The following COL22A1 variants were observed in gnomAD, a reference collection of about 807,000 sequenced individuals.
The protein encoded by COL22A1 is collagen alpha-1(XXII) chain.
COL22A1 carries 221 observed loss-of-function variants against 248.9 expected under a neutral mutation model. The observed-to-expected ratio is 0.89, with a 90% CI of 0.80 to 0.99. The LOEUF (loss-of-function observed/expected upper bound fraction) is 0.99, where lower values mean the gene tolerates loss of function less well. Among genes scored for constraint, COL22A1 ranks in the 50% least tolerant of loss-of-function variants. The probability of loss-of-function intolerance (pLI) is 0.00; values close to 1 mark genes in which losing one functional copy is unlikely to be tolerated. For missense variants in COL22A1, 2,240 were observed against 2,179.0 expected (o/e 1.03, Z -0.56); for synonymous variants, 891 against 793.4 (o/e 1.12, Z -2.07).
At chr8:138,589,869 C>A (rs1816889201) in intron 64 of COL22A1, among the ~76,000 whole-genome samples, 2 of 152,186 alleles carry the variant, frequency 1.3e-5, no homozygotes, top group South Asian at 4.1e-4. Context: ...ACCTTAGAGA[C>A]ACCTGGTGAC....
chr8:138,806,678 G>T (rs1817757624), intron 10 of COL22A1, among the ~76,000 whole-genome samples: 1 of 152,138 alleles, frequency 6.6e-6, no homozygotes, highest in South Asian at 2.1e-4. Context: ...CATTCAACAA[G>T]AAGGGACCAC....
At chr8:138,709,172 A>G (rs561776559) in intron 30 of COL22A1, among the ~76,000 whole-genome samples, 38 of 152,274 alleles carry the variant, frequency 2.5e-4, no homozygotes, top group African/African-American at 8.4e-4. Flanking sequence ...AAATAGGAAC[A>G]CTTTTACACT....
At chr8:138,722,203 G>A (rs1191960403) in intron 25 of COL22A1, 114 bp from the exon 26 acceptor site, 1 of 825,566 alleles carries the variant, frequency 1.2e-6, no homozygotes, top group Non-Finnish European at 1.9e-6. Context: ...GGAGGCTCGG[G>A]CGTCTGCTCT....
Position 138,626,181 on chromosome 8 carries a change from G to C in COL22A1, c.3717+9C>G, listed in dbSNP as rs1446094419. ...TTTTTGTTTGTTTGTTTTTATAAAA[G>C]CCACTTACTGGGATTCCGGGTAATC... On this transcript the variant is annotated intron_variant, in intron 51 of 64. Transcript: ENST00000303045. 1.3e-6 allele frequency: 2 copies of C among 1,584,150 alleles called. No individual in the cohort carries two copies. The highest frequency in any genetic ancestry group is 1.7e-6 in the Non-Finnish European group (2 of 1,169,428).
In COL22A1 at chr8:138,808,767, G is replaced by A. The variant is rs1427345399; in HGVS notation, c.1450-955C>T. ...CACAGTTGCACACTTGGCCAGCTCC[G>A]GAACACACATTTTTAAATGCATTCA... On this transcript the variant is annotated intron_variant, in intron 9 of 64. Coordinates refer to ENST00000303045, the MANE Select transcript of COL22A1 (RefSeq NM_152888.3). Among the ~76,000 whole-genome samples the A allele has an allele frequency of 5.9e-5, 9 of 152,268 alleles. No homozygotes were observed. In the East Asian group the frequency reaches 9.6e-4, roughly 16 times the overall value.
At chr8:138,654,261 G>A (rs1823013102) in intron 45 of COL22A1, among the ~76,000 whole-genome samples, 1 of 152,094 alleles carries the variant, frequency 6.6e-6, no homozygotes, top group South Asian at 2.1e-4. Context: ...ATAAAAGCCT[G>A]TAATAAACAG....
chr8:138,886,348 G>A (rs1205223211), intron 1 of COL22A1, among the ~76,000 whole-genome samples: 1 of 152,052 alleles, frequency 6.6e-6, no homozygotes, highest in East Asian at 1.9e-4. Flanking sequence ...ACTGGTGGCC[G>A]GCACAAAGCC....
rs1401857904 is a variant in COL22A1 at position 138,661,023 on chromosome 8, TACACACACATATACAGAC to T, written c.3241-561_3241-544del. 4.9e-3 allele frequency among the ~76,000 whole-genome samples: 176 copies of T among 35,808 alleles called. 1 individual carries two copies. The highest frequency in any genetic ancestry group is 0.012 in the African/African-American group (167 of 13,628). The allele number at this position is 35,808 out of a possible 152,430, so 23.5% of individuals were successfully genotyped here. A position where few individuals can be genotyped will look rare whatever the true frequency, so the allele number is the denominator to read the frequency against. On this transcript the variant is annotated intron_variant, in intron 43 of 64. Coordinates refer to ENST00000303045, the MANE Select transcript of COL22A1 (RefSeq NM_152888.3). Reference sequence around the variant, plus strand: ...ACATACACAGACACACACACGCACATACACACACATATACAGACACACACACACACGCACACACACCCA... The same window carrying T: ...ACATACACAGACACACACACGCACATACACACACACACGCACACACACCCA...
At chr8:138,710,612 T>TAGATATAG (rs1198748486) in intron 30 of COL22A1, among the ~76,000 whole-genome samples, 2 of 140,076 alleles carry the variant, frequency 1.4e-5, no homozygotes, top group African/African-American at 2.5e-5. Context: ...TCTATCTATA[T>TAGATATAG]ATATATATCT....
At chr8:138,642,456 A>G (rs912557985) in intron 47 of COL22A1, among the ~76,000 whole-genome samples, 1 of 152,180 alleles carries the variant, frequency 6.6e-6, no homozygotes, top group African/African-American at 2.4e-5. Context: ...AGGACTTCTC[A>G]TGGTTGGAGT....
At chr8:138,604,711 G>T (rs754606875) in intron 59 of COL22A1, 23 bp downstream of exon 59, 5 of 1,610,940 alleles carry the variant, frequency 3.1e-6, no homozygotes, top group East Asian at 4.5e-5. Context: ...TTGCCAAGGG[G>T]TGAGTGGGCG....
chr8:138,810,961 G>A (rs1028244796), intron 9 of COL22A1, among the ~76,000 whole-genome samples: 4 of 152,154 alleles, frequency 2.6e-5, no homozygotes, highest in Non-Finnish European at 5.9e-5. Flanking sequence ...AATACAGCCC[G>A]GTACAGGAGA....
intron 52 of COL22A1, among the ~76,000 whole-genome samples, chr8:138,620,996 C>T (rs4988700): frequency 0.28 from 8,560 of 30,348 alleles, 270 homozygotes; most frequent in Non-Finnish European, 0.45. Context: ...CATCCATCCA[C>T]CCATCCATCC....
At chr8:138,877,275 T>A (rs1026875316) in intron 3 of COL22A1, among the ~76,000 whole-genome samples, 1 of 152,208 alleles carries the variant, frequency 6.6e-6, no homozygotes, top group Non-Finnish European at 1.5e-5. Context: ...CGAGGGAGCC[T>A]GAATGCTTCT....
chr8:138,819,398 C>T (rs1316049036), intron 7 of COL22A1, among the ~76,000 whole-genome samples: 3 of 151,864 alleles, frequency 2.0e-5, no homozygotes, highest in East Asian at 1.9e-4. Context: ...CAAAGGGGGA[C>T]GTGGGAACCA....
intron 16 of COL22A1, among the ~76,000 whole-genome samples, chr8:138,768,610 T>A (rs781083589): frequency 8.5e-5 from 13 of 152,198 alleles, no homozygotes; most frequent in Non-Finnish European, 1.8e-4. Flanking sequence ...TAGGTGAAAT[T>A]CTGGGTACTT....
intron 4 of COL22A1, among the ~76,000 whole-genome samples, chr8:138,833,801 AGGGT>A (rs1820230734): frequency 6.6e-6 from 1 of 152,124 alleles, no homozygotes; most frequent in African/African-American, 2.4e-5. Context: ...GACTTGGGTG[AGGGT>A]CAAGGGTAAG....
At chr8:138,621,365 A>T (rs1819789856) in intron 52 of COL22A1, among the ~76,000 whole-genome samples, 1 of 152,182 alleles carries the variant, frequency 6.6e-6, no homozygotes, top group African/African-American at 2.4e-5. Flanking sequence ...ACCAGTTGCC[A>T]GCCTGCAGTT....
intron 39 of COL22A1, among the ~76,000 whole-genome samples, chr8:138,683,921 C>T (rs373692720): frequency 1.3e-5 from 2 of 152,170 alleles, no homozygotes; most frequent in African/African-American, 4.8e-5. Context: ...TATTAAGTAC[C>T]GATTATATGA....
Sources: allele counts gnomAD v4.1 joint callset (sites outside exome capture counted in the v4.1 genomes callset), GRCh38; gene constraint gnomAD v4.1.1; transcripts MANE v1.5; gene names NCBI Gene and HGNC (gene_info 2026-07-23, HGNC 2026-07-21).